Variants in ASNS observed in about 807,000 individuals in gnomAD.
ASNS encodes the protein asparagine synthetase (glutamine-hydrolyzing).
ASNS carries 37 observed loss-of-function variants against 62.6 expected under a neutral mutation model. The ratio of observed to expected loss-of-function variants is 0.59; its 90% CI spans 0.45 to 0.78. The LOEUF (loss-of-function observed/expected upper bound fraction) is 0.78, where lower values mean the gene tolerates loss of function less well. Ranked by LOEUF, ASNS falls within the 30% of genes least tolerant of loss-of-function variation. The pLI is 0.00. For synonymous variants in ASNS, 207 were observed against 237.9 expected, an observed-to-expected ratio of 0.87 and a Z score of 1.19; for missense variants, 520 against 682.4, an observed-to-expected ratio of 0.76 and a Z score of 2.65.
intron 3 of ASNS, among the ~76,000 whole-genome samples, chr7:97,867,995 C>T (rs985050807): frequency 2.0e-5 from 3 of 152,184 alleles, no homozygotes; most frequent in Non-Finnish European, 2.9e-5. Flanking sequence ...CAACCAAATG[C>T]ATGAACCTTG....
At chr7:97,896,628 A>ATT in the ASNS span, among the ~76,000 whole-genome samples, 67 of 128,160 alleles carry the variant, frequency 5.2e-4, no homozygotes, top group East Asian at 0.016. Flanking sequence ...ACATATATAT[A>ATT]TGTATATATA....
chr7:97,881,749 G>T, the ASNS span, among the ~76,000 whole-genome samples: 1 of 152,282 alleles, frequency 6.6e-6, no homozygotes, highest in African/African-American at 2.4e-5. Flanking sequence ...CAATGGATAC[G>T]ATTGGGTGCA....
the ASNS span, among the ~76,000 whole-genome samples, chr7:97,894,152 C>T: frequency 6.6e-6 from 1 of 151,880 alleles, no homozygotes; most frequent in South Asian, 2.1e-4. Context: ...TTAAGATGGA[C>T]ATCAAAAATT....
the ASNS span, among the ~76,000 whole-genome samples, chr7:97,900,071 G>C: frequency 2.0e-5 from 3 of 152,098 alleles, no homozygotes; most frequent in African/African-American, 7.2e-5. Context: ...CGAAGATAGA[G>C]AAAATTGGCC....
At chr7:97,877,724 T>A in the ASNS span, among the ~76,000 whole-genome samples, 1 of 152,238 alleles carries the variant, frequency 6.6e-6, no homozygotes, top group Admixed American at 6.5e-5. Flanking sequence ...GGGTTGAATC[T>A]CTGAAACTTC....
At chr7:97,857,227 T>C (rs908670947) in intron 7 of ASNS, among the ~76,000 whole-genome samples, 1 of 152,148 alleles carries the variant, frequency 6.6e-6, no homozygotes, top group Non-Finnish European at 1.5e-5. Context: ...CTTCCCCTCA[T>C]TCTGCTTTCC....
chr7:97,917,078 C>T, the ASNS span, among the ~76,000 whole-genome samples: 1 of 152,134 alleles, frequency 6.6e-6, no homozygotes, highest in African/African-American at 2.4e-5. Flanking sequence ...CATAAATGCA[C>T]ACTCATAACC....
At chr7:97,855,792 T>C (rs1385136648) in intron 8 of ASNS, among the ~76,000 whole-genome samples, 2 of 152,190 alleles carry the variant, frequency 1.3e-5, no homozygotes, top group African/African-American at 4.8e-5. Context: ...CCTTTCATAG[T>C]GGTATTATGA....
chr7:97,887,208 T>G, the ASNS span, among the ~76,000 whole-genome samples: 8 of 152,180 alleles, frequency 5.3e-5, no homozygotes, highest in African/African-American at 1.7e-4. Context: ...ATGACCAATG[T>G]GGAGTCGGCC....
the ASNS span, among the ~76,000 whole-genome samples, chr7:97,917,811 G>A: frequency 6.6e-6 from 1 of 152,202 alleles, no homozygotes; most frequent in South Asian, 2.1e-4. Flanking sequence ...AGTCAACCAC[G>A]TATCAGCAAC....
chr7:97,889,882 A>G, the ASNS span, among the ~76,000 whole-genome samples: 5 of 135,744 alleles, frequency 3.7e-5, no homozygotes, highest in African/African-American at 1.3e-4. Flanking sequence ...GAATAATGTT[A>G]TTAAAGAAAC....
the ASNS span, among the ~76,000 whole-genome samples, chr7:97,885,106 G>A: frequency 1.2e-4 from 18 of 151,690 alleles, 1 homozygote; most frequent in Admixed American, 8.5e-4. Flanking sequence ...ATAGATTTGC[G>A]TGTTCTGGAC....
At chr7:97,874,103 G>A (rs908960848), upstream of ASNS, among the ~76,000 whole-genome samples, 4 of 152,050 alleles carry the variant, frequency 2.6e-5, no homozygotes, top group East Asian at 3.9e-4. Context: ...CTGCAGTCTC[G>A]ACCATAAGAG....
At chr7:97,924,576 C>T in the ASNS span, among the ~76,000 whole-genome samples, 10 of 152,338 alleles carry the variant, frequency 6.6e-5, no homozygotes, top group Middle Eastern at 3.4e-3. Flanking sequence ...AGGTCCCCAG[C>T]GTGGGAGTGA....
At chr7:97,888,322 CTTTCT>C in the ASNS span, among the ~76,000 whole-genome samples, 1 of 148,122 alleles carries the variant, frequency 6.8e-6, no homozygotes, top group South Asian at 2.1e-4. Flanking sequence ...CAGTGGGTTG[CTTTCT>C]TTTTTTTTTT....
chr7:97,886,583 C>CA, the ASNS span, among the ~76,000 whole-genome samples: 1 of 150,328 alleles, frequency 6.7e-6, no homozygotes, highest in East Asian at 1.9e-4. Flanking sequence ...GAAGTGGGGC[C>CA]AAAAAAGATG....
the ASNS span, among the ~76,000 whole-genome samples, chr7:97,895,360 T>C: frequency 6.6e-6 from 1 of 152,200 alleles, no homozygotes; most frequent in Non-Finnish European, 1.5e-5. Flanking sequence ...GTATGGGACA[T>C]CCAAGCCAGA....
intron 8 of ASNS, among the ~76,000 whole-genome samples, chr7:97,856,472 C>A (rs567450501): frequency 6.6e-6 from 1 of 152,296 alleles, no homozygotes; most frequent in South Asian, 2.1e-4. Flanking sequence ...GTGACACCAA[C>A]AATGTGGAGG....
At chr7:97,920,703 G>A in the ASNS span, among the ~76,000 whole-genome samples, 1 of 152,258 alleles carries the variant, frequency 6.6e-6, no homozygotes, top group Non-Finnish European at 1.5e-5. Flanking sequence ...GGAGGGCTGT[G>A]TAGGAAGCTG....
Sources: gnomAD v4.1 joint callset for allele counts (sites outside exome capture counted in the v4.1 genomes callset) on GRCh38, gnomAD v4.1.1 for gene constraint, MANE v1.5 for transcripts, NCBI Gene and HGNC (gene_info 2026-07-23, HGNC 2026-07-21) for gene names.